Variants in OPN3 observed in about 807,000 individuals in gnomAD.
The protein encoded by OPN3 is opsin-3.
OPN3 carries 29 observed loss-of-function variants against 33.8 expected under a neutral mutation model. The ratio of observed to expected loss-of-function variants is 0.86; its 90% CI spans 0.64 to 1.17. OPN3 has a LOEUF of 1.17. Ranked by LOEUF, OPN3 falls within the 50% of genes most tolerant of loss-of-function variation. The pLI is 0.00. For missense variants in OPN3, 437 were observed against 514.1 expected (o/e 0.85, Z 1.45); for synonymous variants, 216 against 216.1 (o/e 1.00, Z 0.00).
At chr1:241,635,098 A>C in intron 1 of OPN3, 1 of 1,612,844 alleles carries the variant, frequency 6.2e-7, no homozygotes, top group Non-Finnish European at 8.5e-7. Flanking sequence ...TGCCTTCTTT[A>C]ACTATTTGAG....
chr1:241,594,679 G>A lies in OPN3; in HGVS notation c.958C>T (p.Leu320Phe). ...AGTCGGAGGCACAGAAGCTGCAAAA[G>A]GGATCTTCGAAACTGGGCAGAGAAA... is the stretch of plus-strand genomic sequence containing the variant. The part of the protein sequence containing the change: ...VFMIRKFRRS[L>F]LQLLCLRLLR... Residue 320 changes from leucine (L) to phenylalanine (F), a missense_variant, in exon 4 of 4, where the codon CTT (leucine) becomes TTT (phenylalanine). By Grantham distance (22) the Leu-to-Phe change is conservative. Transcript: ENST00000366554. 1 of 1,613,544 alleles carries A rather than the reference G, an allele frequency of 6.2e-7. No individual in the cohort carries two copies. The highest frequency in any genetic ancestry group is 8.5e-7 in the Non-Finnish European group (1 of 1,179,810).
Position 241,594,471 on chromosome 1 carries a change from G to A in OPN3, c.1166C>T (p.Thr389Ile). The stretch of plus-strand genomic sequence containing the variant: ...GATTACATCAACTTTGGACCCATTG[G>A]TTTTGTCGCTGTCGTCAACTGACAG... ...ESLSVDDSDK[T>I]NGSKVDVIQV... is the part of the protein sequence containing the mutation. Residue 389 changes from threonine (T) to isoleucine (I), a missense_variant, in exon 4 of 4, where the codon ACC becomes ATC. Transcript: ENST00000366554. 1 of 1,614,106 alleles carries A rather than the reference G, an allele frequency of 6.2e-7. No individual in the cohort carries two copies. Among genetic ancestry groups the A allele is most frequent in the Non-Finnish European group, 8.5e-7 (1 of 1,179,990 alleles).
chr1:241,637,656 T>C (rs140519461), intron 1 of OPN3, among the ~76,000 whole-genome samples: 1,793 of 152,182 alleles, frequency 0.012, 23 homozygotes, highest in Middle Eastern at 0.027. Flanking sequence ...CCTACAGATA[T>C]CAAAGGGGTC....
intron 1 of OPN3, chr1:241,615,766 C>A (rs2148009952): frequency 2.2e-6 from 1 of 445,264 alleles, no homozygotes; most frequent in Admixed American, 2.4e-5. Context: ...CAACTGTGTG[C>A]CCTATTTGCC....
In OPN3 at chr1:241,611,936, G is replaced by A. The variant is rs556349416; in HGVS notation, c.374-7357C>T. On this transcript the variant is annotated intron_variant, in intron 1 of 3. Coordinates refer to ENST00000366554, the MANE Select transcript of OPN3 (RefSeq NM_014322.3). ...GGTTACTGTGATAAGGAATGAAACTGATGCAGTGGCACTAGGGAAGGAGAG... is the reference window on the plus strand; with the variant it reads ...GGTTACTGTGATAAGGAATGAAACTAATGCAGTGGCACTAGGGAAGGAGAG... Among the ~76,000 whole-genome samples, 12 of 152,322 alleles carry A rather than the reference G, an allele frequency of 7.9e-5. No homozygotes were observed. The South Asian group carries it at 2.5e-3, about 32-fold the overall frequency.
intron 1 of OPN3, chr1:241,634,316 G>A: frequency 1.2e-6 from 2 of 1,613,936 alleles, no homozygotes; most frequent in Non-Finnish European, 8.5e-7. Flanking sequence ...ACAAGCTCCT[G>A]GCTCTGCTGG....
intron 1 of OPN3, among the ~76,000 whole-genome samples, chr1:241,617,879 C>A (rs1023401832): frequency 6.6e-6 from 1 of 152,006 alleles, no homozygotes; most frequent in Non-Finnish European, 1.5e-5. Flanking sequence ...GAGGTGGAGG[C>A]GTTGGAGTAT....
Position 241,594,507 on chromosome 1 carries a change from C to G in OPN3, c.1130G>C (p.Ser377Thr), listed in dbSNP as rs1163738768. The stretch of plus-strand genomic sequence containing the variant: ...GTCGTCAACTGACAGTGATTCATCA[C>G]TGGTGATGATAAAAATGATGGAAGA... The part of the protein sequence containing the change: ...NSSSIIFIIT[S>T]DESLSVDDSD... Residue 377 changes from serine to threonine, a missense_variant, in exon 4 of 4, where the codon AGT becomes ACT. By Grantham distance (58) the Ser-to-Thr change is moderately conservative. Coordinates refer to ENST00000366554, the MANE Select transcript of OPN3 (RefSeq NM_014322.3). 3 of 1,614,002 alleles carry G rather than the reference C, an allele frequency of 1.9e-6. No individual in the cohort carries two copies. In the African/African-American group the frequency reaches 4.0e-5, roughly 22 times the overall value.
chr1:241,627,622 G>T (rs1307806502), intron 1 of OPN3, among the ~76,000 whole-genome samples: 1 of 152,154 alleles, frequency 6.6e-6, no homozygotes, highest in Non-Finnish European at 1.5e-5. Context: ...ATTCTTTCAG[G>T]TGAATCACTC....
intron 1 of OPN3, chr1:241,634,010 T>C (rs1455455329): frequency 1.2e-6 from 2 of 1,613,806 alleles, no homozygotes; most frequent in African/African-American, 1.3e-5. Flanking sequence ...AGCATGCTCA[T>C]TTCCCAGGCC....
Position 241,640,259 on chromosome 1 carries a change from C to A in OPN3, c.-5G>T, listed in dbSNP as rs1665073916. On this transcript the variant is annotated 5_prime_UTR_variant, in exon 1 of 4. Coordinates refer to ENST00000366554, the MANE Select transcript of OPN3 (RefSeq NM_014322.3). ...GCTGCGGTTCCCCGAGTACATGGCC[C>A]GGCGCCGGCGCGCCTGGCGGGCGGA... 1 of 1,200,224 alleles carries A rather than the reference C, an allele frequency of 8.3e-7. No individual in the cohort carries two copies. Among genetic ancestry groups the A allele is most frequent in the Non-Finnish European group, 1.0e-6 (1 of 969,716 alleles). 74.3% of individuals were successfully genotyped at this position (1,200,224 alleles called of 1,614,324 possible). A position where few individuals can be genotyped will look rare whatever the true frequency, so the allele number is the denominator to read the frequency against.
chr1:241,624,495 A>G (rs1664358584), intron 1 of OPN3, among the ~76,000 whole-genome samples: 1 of 152,220 alleles, frequency 6.6e-6, no homozygotes, highest in Non-Finnish European at 1.5e-5. Context: ...CCCTAGCAGG[A>G]CTACTCTGTT....
At chr1:241,603,471 T>G (rs1242692482) in intron 2 of OPN3, among the ~76,000 whole-genome samples, 1 of 147,846 alleles carries the variant, frequency 6.8e-6, no homozygotes, top group Non-Finnish European at 1.5e-5. Context: ...AGATGTGTTT[T>G]GTTTTTTTTT....
At chr1:241,622,392 T>C (rs137916993) in intron 1 of OPN3, among the ~76,000 whole-genome samples, 26 of 152,316 alleles carry the variant, frequency 1.7e-4, no homozygotes, top group African/African-American at 6.0e-4. Flanking sequence ...TGCTTTCTTA[T>C]AACTTGCCAA....
intron 1 of OPN3, among the ~76,000 whole-genome samples, chr1:241,608,619 A>T (rs773533461): frequency 6.6e-5 from 10 of 152,210 alleles, no homozygotes; most frequent in Admixed American, 2.0e-4. Flanking sequence ...GAAGTATGAA[A>T]AATCCCAGCC....
At chr1:241,607,031 A>G (rs901952620) in intron 1 of OPN3, among the ~76,000 whole-genome samples, 1 of 152,208 alleles carries the variant, frequency 6.6e-6, no homozygotes, top group African/African-American at 2.4e-5. Flanking sequence ...CATAGTTAAT[A>G]TTCATTTATA....
At chr1:241,621,633 A>G (rs938142686) in intron 1 of OPN3, among the ~76,000 whole-genome samples, 2 of 152,084 alleles carry the variant, frequency 1.3e-5, no homozygotes, top group Non-Finnish European at 2.9e-5. Flanking sequence ...GTGGGAAAGT[A>G]GGGTTCTTGG....
At chr1:241,597,723 A>C (rs1489259543) in intron 3 of OPN3, 23 bp downstream of exon 3, 1 of 1,606,358 alleles carries the variant, frequency 6.2e-7, no homozygotes, top group Admixed American at 1.7e-5. Flanking sequence ...GGGTGAAAAC[A>C]ATCAGTTAAT....
intron 1 of OPN3, among the ~76,000 whole-genome samples, chr1:241,627,944 T>G (rs117260090): frequency 6.6e-6 from 1 of 152,202 alleles, no homozygotes; most frequent in African/African-American, 2.4e-5. Flanking sequence ...AAGCCCTTGA[T>G]GTCCTGGGCT....
Sources: gnomAD v4.1 joint callset for allele counts (sites outside exome capture counted in the v4.1 genomes callset) on GRCh38, gnomAD v4.1.1 for gene constraint, MANE v1.5 for transcripts, NCBI Gene and HGNC (gene_info 2026-07-23, HGNC 2026-07-21) for gene names.